Variants in COL6A2 observed in about 807,000 individuals in gnomAD.
COL6A2 encodes the protein collagen type VI alpha 2 chain, also known as collagen alpha-2(VI) chain.
Under a neutral mutation model 124.9 loss-of-function variants are expected in COL6A2, and 90 were observed. That is an observed-to-expected ratio of 0.72 (90% confidence interval 0.61 to 0.86). The LOEUF (loss-of-function observed/expected upper bound fraction) is 0.86, where lower values mean the gene tolerates loss of function less well. COL6A2 is among the 40% of genes least tolerant of loss of function. The pLI is 0.00. For synonymous variants in COL6A2, 793 were observed against 618.2 expected (o/e 1.28, Z -4.19); for missense variants, 1,607 against 1,502.5 (o/e 1.07, Z -1.15).
intron 12 of COL6A2, 135 bp from the exon 13 acceptor site, chr21:46,118,479 G>A: frequency 1.3e-6 from 1 of 793,244 alleles, no homozygotes; most frequent in Non-Finnish European, 2.1e-6. Context: ...GCCAGCATCT[G>A]GCATCCCAGG....
Position 46,125,591 on chromosome 21 carries a change from T to G in COL6A2, c.1943T>G (p.Ile648Ser). 1 of 1,610,214 alleles carries G rather than the reference T, an allele frequency of 6.2e-7. No individual in the cohort carries two copies. The highest frequency in any genetic ancestry group is 1.1e-5 in the South Asian group (1 of 91,006). The change falls in exon 25 of 28, where the codon ATC becomes AGC. Residue 648 changes from isoleucine to serine, a missense_variant. Transcript: ENST00000300527. ...AACGTGGTCAACAGGCTGGGTGCCA[T>G]CGCTAAGGACCCCAAGTCCGAGACA... ...VINVVNRLGA[I>S]AKDPKSETGT...
At chr21:46,110,207 T>TG (rs1284046080) in intron 1 of COL6A2, among the ~76,000 whole-genome samples, 1 of 152,024 alleles carries the variant, frequency 6.6e-6, no homozygotes, top group Non-Finnish European at 1.5e-5. Context: ...TCTGCGGGGT[T>TG]GGGGGCCTGT....
intron 5 of COL6A2, 22 bp from the exon 6 acceptor site, chr21:46,115,850 G>C (rs1474845780): frequency 6.2e-7 from 1 of 1,612,316 alleles, no homozygotes; most frequent in South Asian, 1.1e-5. Flanking sequence ...CTGCCTCGAT[G>C]TACTCTTTTC....
At chr21:46,115,543 C>T (rs1198360718) in intron 5 of COL6A2, among the ~76,000 whole-genome samples, 1 of 152,220 alleles carries the variant, frequency 6.6e-6, no homozygotes, top group Admixed American at 6.5e-5. Flanking sequence ...GCTGGAGAAT[C>T]AGAGCCCAGT....
At chr21:46,105,411 C>T (rs2078326281) in intron 1 of COL6A2, among the ~76,000 whole-genome samples, 1 of 152,008 alleles carries the variant, frequency 6.6e-6, no homozygotes, top group Non-Finnish European at 1.5e-5. Context: ...ATAAATATCT[C>T]AGTAAAGGTA....
At chr21:46,108,676 T>C (rs1390938675) in intron 1 of COL6A2, among the ~76,000 whole-genome samples, 1 of 152,250 alleles carries the variant, frequency 6.6e-6, no homozygotes, top group Admixed American at 6.5e-5. Flanking sequence ...GTGACTTACA[T>C]TAATGTATTC....
chr21:46,125,151 C>A, intron 23 of COL6A2, 115 bp from the exon 24 acceptor site: 1 of 1,126,458 alleles, frequency 8.9e-7, no homozygotes, highest in Non-Finnish European at 1.3e-6. Context: ...AGCCTCCCCG[C>A]ATGGCTGCCT....
rs367994212 is a variant in COL6A2, at chr21:46,126,080, G to A, written c.2265G>A (p.Thr755=). 6.8e-6 allele frequency: 11 copies of A among 1,612,786 alleles called. No individual in the cohort carries two copies. The highest frequency in any genetic ancestry group is 2.2e-5 in the East Asian group (1 of 44,878). ...TGTGCGACCGCGACGTCACAGTGACGGCCATCGGCATCGGGGACATGTTCC... is the reference window on the plus strand; with the variant it reads ...TGTGCGACCGCGACGTCACAGTGACAGCCATCGGCATCGGGGACATGTTCC... ...RALCDRDVTV[T]AIGIGDMFHE... The change falls in exon 26 of 28, where the codon ACG becomes ACA. Residue 755 remains threonine, a synonymous_variant. Transcript: ENST00000300527.
In COL6A2 at chr21:46,122,935, C is replaced by T. The variant is rs2078589816; in HGVS notation, c.1669C>T (p.Pro557Ser). The T allele has an allele frequency of 6.2e-7, 1 of 1,613,156 alleles. No individual in the cohort carries two copies. Among genetic ancestry groups the T allele is most frequent in the Non-Finnish European group, 8.5e-7 (1 of 1,179,908 alleles). The change falls in exon 21 of 28, where the codon CCT (proline) becomes TCT (serine). Residue 557 changes from proline to serine, a missense_variant and splice_region_variant. Physicochemically the swap from Pro to Ser is moderately conservative, Grantham distance 74. This residue lies in a region of COL6A2 where 1,223 missense variants were observed against 1,052.2 expected (regional missense o/e 1.16). Coordinates refer to ENST00000300527, the MANE Select transcript of COL6A2 (RefSeq NM_001849.4). ...EPGRKGEKGE[P>S]ADPGPPGEPG... Reference sequence around the variant, plus strand: ...TGGGAGGAAAGGAGAGAAAGGAGAGCCTGTGAGTGTCACCGTCCCGAAGCC... The same window carrying T: ...TGGGAGGAAAGGAGAGAAAGGAGAGTCTGTGAGTGTCACCGTCCCGAAGCC...
Position 46,132,372 on chromosome 21 carries a change from G to A in COL6A2, c.2880G>A (p.Ser960=), listed in dbSNP as rs375430758. 2.6e-4 allele frequency: 416 copies of A among 1,609,166 alleles called. 3 individuals carry two copies. In the South Asian group the frequency reaches 3.1e-3, roughly 12 times the overall value. ...GVTGNDSLHE[S]AHSMRKQNVV... ...CGGGCAACGACAGTCTGCACGAGTC[G>A]GCGCACTCCATGCGCAAGCAGAACG... is the stretch of plus-strand genomic sequence containing the variant. Residue 960 remains serine, a synonymous_variant, in exon 28 of 28, where the codon TCG becomes TCA. Coordinates refer to ENST00000300527, the MANE Select transcript of COL6A2 (RefSeq NM_001849.4).
chr21:46,123,999 G>A (rs1287782548), intron 21 of COL6A2, among the ~76,000 whole-genome samples: 3 of 151,260 alleles, frequency 2.0e-5, no homozygotes, highest in African/African-American at 4.9e-5. Flanking sequence ...GTAGGTGGGT[G>A]GATGGATGGT....
rs2078521375 is a variant in COL6A2, at chr21:46,119,098, C to T, written c.1248C>T (p.Pro416=). 1.9e-6 allele frequency: 3 copies of T among 1,612,174 alleles called. No individual in the cohort carries two copies. In the African/African-American group the frequency reaches 4.0e-5, roughly 21 times the overall value. ...AAGGAGCCAAGGGCGGGCCTGGGCC[C>T]CGCGGACCCAAAGGCGAGCCGGTGA... ...GVKGAKGGPG[P]RGPKGEPGRR... is the part of the protein sequence containing the mutation. Residue 416 remains proline, a synonymous_variant, in exon 14 of 28, where the codon CCC becomes CCT. Transcript: ENST00000300527.
At chr21:46,105,346 A>G (rs559099243) in intron 1 of COL6A2, among the ~76,000 whole-genome samples, 1 of 152,328 alleles carries the variant, frequency 6.6e-6, no homozygotes, top group East Asian at 1.9e-4. Context: ...TCACCACACC[A>G]CTGCACTCCA....
chr21:46,118,307 A>G (rs966828515), intron 12 of COL6A2, among the ~76,000 whole-genome samples: 1 of 152,072 alleles, frequency 6.6e-6, no homozygotes, highest in Non-Finnish European at 1.5e-5. Flanking sequence ...AGGATCCCCA[A>G]GGGCTTTTTT....
chr21:46,099,158 C>G (rs2078259208), intron 1 of COL6A2: 1 of 152,452 alleles, frequency 6.6e-6, no homozygotes, highest in Admixed American at 6.5e-5. Context: ...GTGATTATTT[C>G]AAGAAAGGCC....
intron 25 of COL6A2, 64 bp from the exon 26 acceptor site, chr21:46,125,721 G>A (rs1568939927): frequency 2.5e-6 from 4 of 1,600,450 alleles, no homozygotes; most frequent in South Asian, 1.1e-5. Flanking sequence ...GAGGGCCTCT[G>A]CATGGCTGGG....
intron 27 of COL6A2, chr21:46,129,688 C>T (rs978862748): frequency 7.8e-6 from 11 of 1,416,616 alleles, no homozygotes; most frequent in Non-Finnish European, 1.0e-5. Flanking sequence ...GCTGCGGCTG[C>T]ATCTTCCAGT....
Position 46,129,262 on chromosome 21 carries a change from C to G in COL6A2, c.2462-2692C>G, listed in dbSNP as rs545997051. The G allele has an allele frequency of 1.4e-4, 222 of 1,612,948 alleles. 1 individual carries two copies. In the South Asian group the frequency reaches 1.9e-3, roughly 14 times the overall value. ...CGCACGGAAGAGGGGCCGGACGCCA[C>G]CTTCCCCAGGACCATTCCCCTGATC... is the stretch of plus-strand genomic sequence containing the variant. On this transcript the variant is annotated intron_variant, in intron 27 of 27. Coordinates refer to ENST00000300527, the MANE Select transcript of COL6A2 (RefSeq NM_001849.4).
rs1207247796 is a variant in COL6A2, at chr21:46,126,508, C to T, written c.2428C>T (p.Gln810Ter). The T allele has an allele frequency of 4.4e-6, 7 of 1,608,514 alleles. No individual in the cohort carries two copies. Among genetic ancestry groups the T allele is most frequent in the Non-Finnish European group, 5.1e-6 (6 of 1,175,812 alleles). Residue 810 changes from glutamine to a stop codon, truncating the protein, a stop_gained, in exon 27 of 28, where the codon CAG (glutamine) becomes TAG (stop). Transcript: ENST00000300527. LOFTEE classifies it high-confidence loss of function. ...DMEDVLCPDPQIVCPDLPCQT... is the reference protein window; with the variant it reads ...DMEDVLCPDP The stretch of plus-strand genomic sequence containing the variant: ...GCCTCTCTCCTCTCTTCCAGACCCT[C>T]AGATCGTGTGCCCAGACCTTCCCTG...
Sources: gnomAD v4.1 joint callset for allele counts (sites outside exome capture counted in the v4.1 genomes callset) on GRCh38, gnomAD v4.1.1 for gene constraint, gnomAD v4.1.1 regional missense constraint, MANE v1.5 for transcripts, NCBI Gene and HGNC (gene_info 2026-07-23, HGNC 2026-07-21) for gene names.